Variants in CWH43 observed in about 807,000 individuals in gnomAD.
CWH43 encodes the protein PGAP2-interacting protein.
In CWH43, 91 loss-of-function variants were observed where a neutral mutation model predicts 85.7. The observed-to-expected ratio is 1.06, with a 90% CI of 0.90 to 1.26. The LOEUF is 1.26. Ranked by LOEUF, CWH43 falls within the 50% of genes most tolerant of loss-of-function variation. The pLI, the probability that CWH43 is intolerant of heterozygous loss-of-function variation, is 0.00. For missense variants in CWH43, 869 were observed against 839.2 expected (o/e 1.04, Z -0.44); for synonymous variants, 323 against 293.6 (o/e 1.10, Z -1.02).
chr4:49,003,525 C>T, intron 6 of CWH43: 1 of 525,342 alleles, frequency 1.9e-6, no homozygotes, highest in Non-Finnish European at 3.4e-6. Flanking sequence ...CTGAGATTTA[C>T]TAGATCCACA....
intron 10 of CWH43, 54 bp from the exon 11 acceptor site, chr4:49,030,771 T>A (rs1483971171): frequency 1.4e-6 from 2 of 1,467,768 alleles, no homozygotes; most frequent in Admixed American, 5.1e-5. Context: ...TTGCTAATTG[T>A]TTTTTGCCTT....
chr4:49,047,594 G>A (rs1310133567), intron 14 of CWH43, among the ~76,000 whole-genome samples: 1 of 152,152 alleles, frequency 6.6e-6, no homozygotes, highest in South Asian at 2.1e-4. Flanking sequence ...TCCTGGTAGA[G>A]GGCTGAGCTA....
Position 48,991,563 on chromosome 4 carries a change from T to A in CWH43, c.345T>A (p.Ser115Arg). Residue 115 changes from serine (S) to arginine (R), a missense_variant, in exon 3 of 16, where the codon AGT (serine) becomes AGA (arginine). Physicochemically the swap from Ser to Arg is moderately radical, Grantham distance 110. Transcript: ENST00000226432. Reference protein sequence around the residue: ...IVQAVTWWSGSHLQRYLRIWG... With the variant: ...IVQAVTWWSGRHLQRYLRIWG... ...AAGCTGTGACTTGGTGGTCAGGAAG[T>A]CATTTGCAAAGGTATGGTTAATGTT... 6.2e-7 allele frequency: 1 copy of A among 1,614,026 alleles called. No homozygotes were observed. Among genetic ancestry groups the A allele is most frequent in the Non-Finnish European group, 8.5e-7 (1 of 1,179,948 alleles).
chr4:49,031,887 A>G (rs1383874767), intron 11 of CWH43, among the ~76,000 whole-genome samples: 1 of 152,194 alleles, frequency 6.6e-6, no homozygotes, highest in Non-Finnish European at 1.5e-5. Flanking sequence ...TGGAATGGGA[A>G]CCATCAGGAG....
chr4:49,035,652 G>A (rs1432228617), intron 12 of CWH43, among the ~76,000 whole-genome samples: 1 of 152,132 alleles, frequency 6.6e-6, no homozygotes, highest in African/African-American at 2.4e-5. Flanking sequence ...TAACAGATAA[G>A]AAAACATAAA....
At chr4:49,002,821 T>C (rs145546650) in intron 6 of CWH43, among the ~76,000 whole-genome samples, 68 of 152,262 alleles carry the variant, frequency 4.5e-4, no homozygotes, top group African/African-American at 1.6e-3. Flanking sequence ...GATGAACTTA[T>C]TGAGCTATGG....
chr4:48,987,282 T>G (rs1455752082), intron 1 of CWH43, among the ~76,000 whole-genome samples: 1 of 152,096 alleles, frequency 6.6e-6, no homozygotes, highest in African/African-American at 2.4e-5. Context: ...GTGCCTAGCA[T>G]TCAATAAGTA....
rs1785173189 is a variant in CWH43 at position 49,061,898 on chromosome 4, A to G, written c.*8A>G. Reference sequence around the variant, plus strand: ...CCCAAATACTTTTTATGAAACATTTAAAACAAGAAGTTATTGGCTGGGAAA... The same window carrying G: ...CCCAAATACTTTTTATGAAACATTTGAAACAAGAAGTTATTGGCTGGGAAA... On this transcript the variant is annotated 3_prime_UTR_variant, in exon 16 of 16. Coordinates refer to ENST00000226432, the MANE Select transcript of CWH43 (RefSeq NM_025087.3). 1 of 1,353,568 alleles carries G rather than the reference A, an allele frequency of 7.4e-7. No individual in the cohort carries two copies. The highest frequency in any genetic ancestry group is 9.8e-7 in the Non-Finnish European group (1 of 1,020,670). 83.8% of individuals were successfully genotyped at this position (1,353,568 alleles called of 1,614,324 possible).
rs1263497611 is a variant in CWH43, at chr4:49,017,265, T to C, written c.1203T>C (p.Val401=). The C allele has an allele frequency of 2.5e-6, 4 of 1,610,948 alleles. No individual in the cohort carries two copies. Among genetic ancestry groups the C allele is most frequent in the African/African-American group, 1.3e-5 (1 of 74,818 alleles). ...KYMKLFLWLL[V]GVGLLGLGLR... Reference sequence around the variant, plus strand: ...TCTGTTTAGTTCTGTGGCTGCTTGTTGGTGTGGGATTGTTGGGATTAGGAC... The same window carrying C: ...TCTGTTTAGTTCTGTGGCTGCTTGTCGGTGTGGGATTGTTGGGATTAGGAC... The change falls in exon 9 of 16, where the codon GTT becomes GTC. Residue 401 remains valine (V), a synonymous_variant. Transcript: ENST00000226432.
chr4:49,009,157 G>A (rs1219947143), intron 8 of CWH43, among the ~76,000 whole-genome samples: 2 of 152,152 alleles, frequency 1.3e-5, no homozygotes, highest in Admixed American at 1.3e-4. Flanking sequence ...TCATTGAGCA[G>A]TGGTTTGTAG....
intron 15 of CWH43, among the ~76,000 whole-genome samples, chr4:49,058,152 T>C (rs1785026536): frequency 6.6e-6 from 1 of 152,192 alleles, no homozygotes; most frequent in Non-Finnish European, 1.5e-5. Context: ...TTTCTGACTG[T>C]TTTACAGTTC....
chr4:48,986,576 A>T, intron 1 of CWH43, 104 bp downstream of exon 1: 1 of 1,526,362 alleles, frequency 6.6e-7, no homozygotes, highest in South Asian at 1.2e-5. Context: ...TAGGAGGAAA[A>T]GGGCGCTCCG....
At chr4:49,053,337 T>C (rs1223457169) in intron 15 of CWH43, among the ~76,000 whole-genome samples, 2 of 152,162 alleles carry the variant, frequency 1.3e-5, no homozygotes, top group Non-Finnish European at 2.9e-5. Context: ...ATATGGTAGT[T>C]CTATTTTTAA....
intron 8 of CWH43, among the ~76,000 whole-genome samples, chr4:49,013,718 A>G (rs1222261279): frequency 2.6e-5 from 4 of 152,152 alleles, no homozygotes; most frequent in East Asian, 3.8e-4. Flanking sequence ...CACTTCTAAC[A>G]TAGATAAGAG....
chr4:49,008,250 G>A (rs1021532514), intron 8 of CWH43, among the ~76,000 whole-genome samples: 1 of 152,016 alleles, frequency 6.6e-6, no homozygotes, highest in Non-Finnish European at 1.5e-5. Flanking sequence ...TCATGTGTAT[G>A]TTGGCTGCAT....
intron 9 of CWH43, among the ~76,000 whole-genome samples, chr4:49,017,659 T>A (rs935274680): frequency 6.6e-6 from 1 of 152,164 alleles, no homozygotes; most frequent in Non-Finnish European, 1.5e-5. Flanking sequence ...CCGGGTAATT[T>A]ATAAAGAAGA....
chr4:49,015,849 T>G (rs1188683057), intron 8 of CWH43, among the ~76,000 whole-genome samples: 1 of 152,184 alleles, frequency 6.6e-6, no homozygotes, highest in African/African-American at 2.4e-5. Context: ...GAACTCTATT[T>G]GATTTCTTTT....
chr4:49,041,811 G>T (rs1379156321), intron 13 of CWH43, among the ~76,000 whole-genome samples: 2 of 152,162 alleles, frequency 1.3e-5, no homozygotes, highest in African/African-American at 4.8e-5. Flanking sequence ...AAGGGGCCAA[G>T]AGCATATGCC....
chr4:48,987,391 G>C (rs1384270216), intron 1 of CWH43, among the ~76,000 whole-genome samples: 1 of 152,068 alleles, frequency 6.6e-6, no homozygotes, highest in Non-Finnish European at 1.5e-5. Flanking sequence ...AAGAAGGGGA[G>C]GTTGGAAAGT....
Sources: gnomAD v4.1 joint callset for allele counts (sites outside exome capture counted in the v4.1 genomes callset) on GRCh38, gnomAD v4.1.1 for gene constraint, MANE v1.5 for transcripts, NCBI Gene and HGNC (gene_info 2026-07-23, HGNC 2026-07-21) for gene names.